Variants in STEAP2 observed in about 807,000 individuals in gnomAD.
STEAP2 encodes metalloreductase STEAP2.
In STEAP2, 30 loss-of-function variants were observed where a neutral mutation model predicts 46.4. That is an observed-to-expected ratio of 0.65 (90% confidence interval 0.48 to 0.88). The LOEUF (loss-of-function observed/expected upper bound fraction) is 0.88. Among genes scored for constraint, STEAP2 ranks in the 40% least tolerant of loss-of-function variants. STEAP2 has a pLI of 0.00. For synonymous variants in STEAP2, 180 were observed against 200.5 expected (o/e 0.90, Z 0.86); for missense variants, 513 against 579.3 (o/e 0.89, Z 1.18).
At chr7:90,238,283 G>T (rs938858039), downstream of STEAP2, 2 of 582,674 alleles carry the variant, frequency 3.4e-6, no homozygotes, top group African/African-American at 3.6e-5. Context: ...GCCTGGAAAT[G>T]CTTAGGTGCT....
rs1404576353 is a variant in STEAP2 at position 90,235,466 on chromosome 7, A to G, written c.*2842A>G. ...TTCTGAACCATTCTTCTGGCCTCAG[A>G]AGTAGGACTGAATTCTACTATTGCT... On this transcript the variant is annotated 3_prime_UTR_variant, in exon 6 of 6. Coordinates refer to ENST00000394621, the MANE Select transcript of STEAP2 (RefSeq NM_001244944.2). 1.0e-6 allele frequency: 1 copy of G among 985,110 alleles called. No homozygotes were observed. Among genetic ancestry groups the G allele is most frequent in the African/African-American group, 1.7e-5 (1 of 57,200 alleles). The allele number at this position is 985,110 out of a possible 1,614,324, so 61.0% of individuals were successfully genotyped here. A position where few individuals can be genotyped will look rare whatever the true frequency, so the allele number is the denominator to read the frequency against.
At chr7:90,222,254 A>G (rs547130892) in intron 2 of STEAP2, among the ~76,000 whole-genome samples, 72 of 152,208 alleles carry the variant, frequency 4.7e-4, no homozygotes, top group African/African-American at 1.7e-3. Context: ...TGCATGGACC[A>G]CACCAAGGGA....
At chr7:90,225,737 A>G (rs1222485460) in intron 3 of STEAP2, among the ~76,000 whole-genome samples, 163 bp downstream of exon 3, 1 of 152,212 alleles carries the variant, frequency 6.6e-6, no homozygotes, top group Admixed American at 6.5e-5. Context: ...TTGTAAGGGC[A>G]CATTCCCATT....
chr7:90,241,691 T>A (rs1189134241), downstream of STEAP2, among the ~76,000 whole-genome samples: 1 of 152,198 alleles, frequency 6.6e-6, no homozygotes, highest in Non-Finnish European at 1.5e-5. Flanking sequence ...TGAAAACTAC[T>A]GCTCTAGACA....
At chr7:90,239,221 T>C (rs1796029349), downstream of STEAP2, among the ~76,000 whole-genome samples, 1 of 152,070 alleles carries the variant, frequency 6.6e-6, no homozygotes. Context: ...ATGACTGGTG[T>C]CCTCATAAGA....
In STEAP2 at chr7:90,234,790, T is replaced by C. The variant is rs1190477450; in HGVS notation, c.*2166T>C. On this transcript the variant is annotated 3_prime_UTR_variant, in exon 6 of 6. Transcript: ENST00000394621. ...GGATGGTCTCGATCTCCTGACCTCG[T>C]GATCCGCCCGCCTTGGCCTCCAAAG... 3 of 769,694 alleles carry C rather than the reference T, an allele frequency of 3.9e-6. No individual in the cohort carries two copies. Among genetic ancestry groups the C allele is most frequent in the Non-Finnish European group, 4.7e-6 (3 of 633,662 alleles). The allele number at this position is 769,694 out of a possible 1,614,324, so 47.7% of individuals were successfully genotyped here. A position where few individuals can be genotyped will look rare whatever the true frequency, so the allele number is the denominator to read the frequency against.
chr7:90,235,462 T>A lies in STEAP2; in HGVS notation c.*2838T>A. The A allele has an allele frequency of 1.0e-6, 1 of 985,296 alleles. No homozygotes were observed. Among genetic ancestry groups the A allele is most frequent in the Non-Finnish European group, 1.2e-6 (1 of 829,814 alleles). The allele number at this position is 985,296 out of a possible 1,614,324, so 61.0% of individuals were successfully genotyped here. A position where few individuals can be genotyped will look rare whatever the true frequency, so the allele number is the denominator to read the frequency against. ...ATTTTTCTGAACCATTCTTCTGGCC[T>A]CAGAAGTAGGACTGAATTCTACTAT... is the stretch of plus-strand genomic sequence containing the variant. On this transcript the variant is annotated 3_prime_UTR_variant, in exon 6 of 6. Coordinates refer to ENST00000394621, the MANE Select transcript of STEAP2 (RefSeq NM_001244944.2).
At chr7:90,239,543 A>G (rs1346573696), downstream of STEAP2, among the ~76,000 whole-genome samples, 1 of 152,198 alleles carries the variant, frequency 6.6e-6, no homozygotes, top group African/African-American at 2.4e-5. Flanking sequence ...CTCCACAACA[A>G]AGACAGTTCT....
chr7:90,224,665 G>A (rs1301224081), intron 2 of STEAP2, among the ~76,000 whole-genome samples: 1 of 152,148 alleles, frequency 6.6e-6, no homozygotes, highest in African/African-American at 2.4e-5. Context: ...TGCTCAAAGA[G>A]GGGTCTCAGA....
At chr7:90,226,838 A>G in intron 3 of STEAP2, 133 bp from the exon 4 acceptor site, 1 of 851,154 alleles carries the variant, frequency 1.2e-6, no homozygotes, top group Non-Finnish European at 1.8e-6. Context: ...TAGATACTAT[A>G]ATATAGCTGA....
At chr7:90,229,173 A>C (rs1001263666) in intron 4 of STEAP2, among the ~76,000 whole-genome samples, 18 of 152,320 alleles carry the variant, frequency 1.2e-4, no homozygotes, top group African/African-American at 3.6e-4. Flanking sequence ...ACAAATTCAG[A>C]GTTCACCGTC....
rs757535760 is a variant in STEAP2 at position 90,237,009 on chromosome 7, T to G, written c.*4385T>G. The G allele has an allele frequency of 6.3e-6, 10 of 1,585,538 alleles. No individual in the cohort carries two copies. The East Asian group carries it at 2.2e-4, about 36-fold the overall frequency. On this transcript the variant is annotated 3_prime_UTR_variant, in exon 6 of 6. Transcript: ENST00000394621. ...TTCCTCAGCTGTCCTTGCAGTTAGG[T>G]GTACATGTGACTGAGTGTTGGCCAG...
chr7:90,242,511 C>G (rs1391473514), downstream of STEAP2, among the ~76,000 whole-genome samples: 1 of 152,054 alleles, frequency 6.6e-6, no homozygotes, highest in Non-Finnish European at 1.5e-5. Flanking sequence ...TCCTGAGATG[C>G]TAGGATGACC....
At chr7:90,222,291 G>A (rs1218882624) in intron 2 of STEAP2, among the ~76,000 whole-genome samples, 4 of 152,084 alleles carry the variant, frequency 2.6e-5, no homozygotes, top group Non-Finnish European at 5.9e-5. Context: ...GGTGTGAAAT[G>A]AAACATGTAA....
At chr7:90,219,780 T>G (rs1364133880) in intron 2 of STEAP2, among the ~76,000 whole-genome samples, 1 of 151,828 alleles carries the variant, frequency 6.6e-6, no homozygotes, top group African/African-American at 2.4e-5. Context: ...CAGGAGGGAG[T>G]GCGGTTATGC....
At position 90,227,166 on chromosome 7, in the gene STEAP2, TC is replaced by T. The variant is rs779101965; in HGVS notation, c.690del (p.Phe231LeufsTer5). 4 of 1,613,690 alleles carry T rather than the reference TC, an allele frequency of 2.5e-6. No individual in the cohort carries two copies. On this transcript the variant is annotated frameshift_variant, in exon 4 of 6. Transcript: ENST00000394621. ...ISLATFFFLY[S>X]FVRDVIHPYA... is the part of the protein sequence containing the mutation. ...CTTGGCCACATTTTTTTTCCTTTAT[TC>T]CTTTGTCAGAGATGTGATTCATCCA...
intron 5 of STEAP2, among the ~76,000 whole-genome samples, chr7:90,230,965 A>T (rs1437656689): frequency 1.3e-5 from 2 of 151,874 alleles, no homozygotes; most frequent in African/African-American, 4.8e-5. Context: ...TAGTTTAATC[A>T]TACCCGAAAA....
intron 3 of STEAP2, among the ~76,000 whole-genome samples, chr7:90,226,499 T>C (rs1441156214): frequency 1.3e-5 from 2 of 152,180 alleles, no homozygotes; most frequent in Non-Finnish European, 2.9e-5. Context: ...CATAAATGAT[T>C]ATATAATATT....
rs1195243260 is a variant in STEAP2, at chr7:90,232,849, G to A, written c.*225G>A. 30 of 1,180,752 alleles carry A rather than the reference G, an allele frequency of 2.5e-5. No individual in the cohort carries two copies. Among genetic ancestry groups the A allele is most frequent in the Non-Finnish European group, 3.2e-5 (30 of 951,352 alleles). The allele number at this position is 1,180,752 out of a possible 1,614,324, so 73.1% of individuals were successfully genotyped here. Reference sequence around the variant, plus strand: ...CAACATATTATTGTAATTTAGGTATGTTTTGTTTTGTTTTGCACAACTGTA... The same window carrying A: ...CAACATATTATTGTAATTTAGGTATATTTTGTTTTGTTTTGCACAACTGTA... On this transcript the variant is annotated 3_prime_UTR_variant, in exon 6 of 6. Transcript: ENST00000394621.
Sources: gnomAD v4.1 joint callset for allele counts (sites outside exome capture counted in the v4.1 genomes callset) on GRCh38, gnomAD v4.1.1 for gene constraint, MANE v1.5 for transcripts, NCBI Gene and HGNC (gene_info 2026-07-23, HGNC 2026-07-21) for gene names.